The following PEAR1 variants were observed in gnomAD, a reference collection of about 807,000 sequenced individuals.
PEAR1 encodes multiple EGF-like domains protein 12.
PEAR1 carries 113 observed loss-of-function variants against 131.2 expected under a neutral mutation model. The observed-to-expected ratio is 0.86, with a 90% CI of 0.74 to 1.01. The LOEUF (loss-of-function observed/expected upper bound fraction) is 1.01, where lower values mean the gene tolerates loss of function less well. Ranked by LOEUF, PEAR1 falls within the 50% of genes least tolerant of loss-of-function variation. The pLI, the probability that PEAR1 is intolerant of heterozygous loss-of-function variation, is 0.00. For missense variants in PEAR1, 1,408 were observed against 1,391.1 expected (o/e 1.01, Z -0.19); for synonymous variants, 565 against 523.3 (o/e 1.08, Z -1.09).
intron 15 of PEAR1, among the ~76,000 whole-genome samples, chr1:156,911,039 TTC>T (rs1277021201): frequency 2.9e-5 from 2 of 68,076 alleles, no homozygotes; most frequent in Non-Finnish European, 5.8e-5. Context: ...TGATTTCTTT[TTC>T]TTTCTTTCTT....
At position 156,905,323 on chromosome 1, in the gene PEAR1, G is replaced by A. The variant is rs774860080; in HGVS notation, c.207-1G>A. 1 of 1,611,300 alleles carries A rather than the reference G, an allele frequency of 6.2e-7. No homozygotes were observed. The highest frequency in any genetic ancestry group is 1.1e-5 in the South Asian group (1 of 91,018). ...GAGGGCCGCCTTCCTGGCCTCCGCA[G>A]GGTTGTATACCGGACCGTGTACCGT... On this transcript the variant is annotated splice_acceptor_variant, in intron 3 of 22. Transcript: ENST00000292357. LOFTEE classifies it high-confidence loss of function.
At chr1:156,911,154 T>C (rs1245325618) in intron 15 of PEAR1, among the ~76,000 whole-genome samples, 1 of 133,496 alleles carries the variant, frequency 7.5e-6, no homozygotes, top group African/African-American at 3.1e-5. Flanking sequence ...CTTTCTTTCT[T>C]TTTCTTTCTT....
chr1:156,900,829 C>T (rs1180473049), intron 1 of PEAR1, among the ~76,000 whole-genome samples: 1 of 152,110 alleles, frequency 6.6e-6, no homozygotes, highest in Non-Finnish European at 1.5e-5. Context: ...CAGGGCAGAG[C>T]AGGGGTCCAG....
chr1:156,905,883 C>G (rs192596770), intron 4 of PEAR1, among the ~76,000 whole-genome samples: 2 of 152,124 alleles, frequency 1.3e-5, no homozygotes, highest in African/African-American at 4.8e-5. Flanking sequence ...CCTGTAATGA[C>G]TGGAGCCTGT....
rs373675759 is a variant in PEAR1, at chr1:156,903,950, CCTT to C, written c.27_29del (p.Leu11del). ...CAATGTCACCGCCTCTGTGTCCCCT[CCTT>C]CTCCTGGCTGTGGGCCTGCGGCTGG... On this transcript the variant is annotated inframe_deletion, in exon 2 of 23. Coordinates refer to ENST00000292357, the MANE Select transcript of PEAR1 (RefSeq NM_001080471.3). The C allele has an allele frequency of 6.8e-6, 11 of 1,613,988 alleles. No individual in the cohort carries two copies. Among genetic ancestry groups the C allele is most frequent in the East Asian group, 4.5e-5 (2 of 44,890 alleles).
Position 156,912,945 on chromosome 1 carries a change from C to T in PEAR1, c.2385C>T (p.Ser795=), listed in dbSNP as rs2101544911. 6.2e-7 allele frequency: 1 copy of T among 1,614,200 alleles called. No homozygotes were observed. Among genetic ancestry groups the T allele is most frequent in the East Asian group, 2.2e-5 (1 of 44,888 alleles). The stretch of plus-strand genomic sequence containing the variant: ...ACCACCACCTGGCTGTGGCTTACAG[C>T]AGCGGGCGCCTGGACGGCTCCGAGT... The part of the protein sequence containing the change: ...KEHHHLAVAY[S]SGRLDGSEYV... The change falls in exon 18 of 23, where the codon AGC becomes AGT. Residue 795 remains serine (S), a synonymous_variant. Transcript: ENST00000292357.
At position 156,912,507 on chromosome 1, in the gene PEAR1, G is replaced by A; in HGVS notation, c.2094G>A (p.Gly698=). 1 of 1,613,626 alleles carries A rather than the reference G, an allele frequency of 6.2e-7. No individual in the cohort carries two copies. Among genetic ancestry groups the A allele is most frequent in the Non-Finnish European group, 8.5e-7 (1 of 1,179,868 alleles). Residue 698 remains glycine (G), a synonymous_variant, in exon 17 of 23, where the codon GGG becomes GGA. Coordinates refer to ENST00000292357, the MANE Select transcript of PEAR1 (RefSeq NM_001080471.3). ...CTGTCTCCCCAGGCTGCCCTCTGGG[G>A]ACATTTGGTGCTAACTGCTCCCAGC... ...GHHCLEGCPL[G]TFGANCSQPC...
chr1:156,905,620 C>A (rs1650211189), intron 4 of PEAR1, among the ~76,000 whole-genome samples, 196 bp downstream of exon 4: 1 of 152,110 alleles, frequency 6.6e-6, no homozygotes, highest in Non-Finnish European at 1.5e-5. Flanking sequence ...CCACTTCACA[C>A]CCCTGTCTCC....
At chr1:156,899,255 G>T (rs12566888) in intron 1 of PEAR1, among the ~76,000 whole-genome samples, 38,987 of 151,962 alleles carry the variant, frequency 0.26, 8,443 homozygotes, top group African/African-American at 0.57. Flanking sequence ...TGTACTCCAG[G>T]ATAGGAAGTG....
At chr1:156,906,197 G>A (rs1650276523) in intron 4 of PEAR1, 79 bp from the exon 5 acceptor site, 1 of 1,343,934 alleles carries the variant, frequency 7.4e-7, no homozygotes, top group African/African-American at 1.4e-5. Context: ...TTTGGAGGAA[G>A]GTGGGGTTAG....
chr1:156,902,808 T>G lies in PEAR1; in HGVS notation c.-9-1110T>G, dbSNP rs1649822441. Reference sequence around the variant, plus strand: ...CTGCGGGGATGGGCACTGCGGTAACTCATCCTCTCCTGAGCTCAGGAGCTG... The same window carrying G: ...CTGCGGGGATGGGCACTGCGGTAACGCATCCTCTCCTGAGCTCAGGAGCTG... On this transcript the variant is annotated intron_variant, in intron 1 of 22. Coordinates refer to ENST00000292357, the MANE Select transcript of PEAR1 (RefSeq NM_001080471.3). This position sits in a 1 kb window ranked among gnomAD's most constrained non-coding sequence, Gnocchi z 4.3. Among the ~76,000 whole-genome samples, 1 of 152,102 alleles carries G rather than the reference T, an allele frequency of 6.6e-6. No homozygotes were observed. The highest frequency in any genetic ancestry group is 1.5e-5 in the Non-Finnish European group (1 of 68,008).
At chr1:156,911,078 T>TTTCC (rs757704706) in intron 15 of PEAR1, among the ~76,000 whole-genome samples, 6 of 139,930 alleles carry the variant, frequency 4.3e-5, no homozygotes, top group Non-Finnish European at 6.0e-5. Context: ...TCTTTCTTTC[T>TTTCC]TTCTTTCTTT....
intron 3 of PEAR1, chr1:156,905,075 G>A (rs1229013182): frequency 7.2e-7 from 1 of 1,387,866 alleles, no homozygotes; most frequent in African/African-American, 1.6e-5. Context: ...GTATATGCCT[G>A]TGGGGTTGGG....
Position 156,908,191 on chromosome 1 carries a change from C to T in PEAR1, c.966C>T (p.Ala322=). The T allele has an allele frequency of 6.2e-7, 1 of 1,603,138 alleles. No individual in the cohort carries two copies. The highest frequency in any genetic ancestry group is 8.5e-7 in the Non-Finnish European group (1 of 1,178,996). Residue 322 remains alanine, a synonymous_variant, in exon 9 of 23, where the codon GCC becomes GCT. Transcript: ENST00000292357. This position sits in a 1 kb window ranked among gnomAD's most constrained non-coding sequence, Gnocchi z 4.2. ...GQDCAETCDC[A]PDARCFPANG... is the part of the protein sequence containing the mutation. ...ACTGTGCTGAGACGTGCGACTGCGC[C>T]CCGGACGCCCGTTGCTTCCCGGCCA... is the stretch of plus-strand genomic sequence containing the variant.
At chr1:156,912,098 G>C in intron 15 of PEAR1, 149 bp from the exon 16 acceptor site, 1 of 985,978 alleles carries the variant, frequency 1.0e-6, no homozygotes, top group Non-Finnish European at 1.4e-6. Flanking sequence ...ATAATCATTT[G>C]TGAGTCATTG....
chr1:156,903,677 C>T (rs1649914289), intron 1 of PEAR1, among the ~76,000 whole-genome samples: 1 of 152,178 alleles, frequency 6.6e-6, no homozygotes, highest in Non-Finnish European at 1.5e-5. Context: ...AAGATGGGAA[C>T]TCCAGGTGAA....
intron 1 of PEAR1, among the ~76,000 whole-genome samples, chr1:156,898,607 T>C (rs1464981973): frequency 6.6e-6 from 1 of 152,028 alleles, no homozygotes; most frequent in Non-Finnish European, 1.5e-5. Flanking sequence ...ATCTCACTGC[T>C]GGGTGGGAAG....
chr1:156,905,453 G>T (rs184293250), intron 4 of PEAR1, 29 bp downstream of exon 4: 4 of 1,568,708 alleles, frequency 2.5e-6, no homozygotes, highest in Non-Finnish European at 3.5e-6. Context: ...TAGGGAGCGG[G>T]GTGGGGCAAT....
In PEAR1 at chr1:156,906,639, T is replaced by A; in HGVS notation, c.403T>A (p.Cys135Ser). The stretch of plus-strand genomic sequence containing the variant: ...CTTCCCGCCTCCTTATCCCACAGAG[T>A]GTGCCCCAGGAATGTGGGGGCCACA... ...GWRGDDCSSE[C>S]APGMWGPQCD... The change falls in exon 6 of 23, where the codon TGT becomes AGT. Residue 135 changes from cysteine to serine, a missense_variant and splice_region_variant. Physicochemically the swap from Cys to Ser is moderately radical, Grantham distance 112. Coordinates refer to ENST00000292357, the MANE Select transcript of PEAR1 (RefSeq NM_001080471.3). 6.2e-7 allele frequency: 1 copy of A among 1,614,014 alleles called. No individual in the cohort carries two copies. Among genetic ancestry groups the A allele is most frequent in the Non-Finnish European group, 8.5e-7 (1 of 1,179,986 alleles).
Sources: allele counts gnomAD v4.1 joint callset (sites outside exome capture counted in the v4.1 genomes callset), GRCh38; gene constraint gnomAD v4.1.1; non-coding constraint Gnocchi (gnomAD v3.1); transcripts MANE v1.5; gene names NCBI Gene and HGNC (gene_info 2026-07-23, HGNC 2026-07-21).